The following KHDRBS2 variants were observed in gnomAD, a reference collection of about 807,000 sequenced individuals.
KHDRBS2 encodes the protein KH domain-containing, RNA-binding, signal transduction-associated protein 2.
Under a neutral mutation model 44.3 loss-of-function variants are expected in KHDRBS2, and 26 were observed. That is an observed-to-expected ratio of 0.59 (90% confidence interval 0.43 to 0.81). The LOEUF is 0.81. Ranked by LOEUF, KHDRBS2 falls within the 40% of genes least tolerant of loss-of-function variation. The pLI, the probability that KHDRBS2 is intolerant of heterozygous loss-of-function variation, is 0.00. For missense variants in KHDRBS2, 476 were observed against 433.1 expected (o/e 1.10, Z -0.88); for synonymous variants, 194 against 151.1 (o/e 1.28, Z -2.08).
chr6:61,656,657 A>G, the KHDRBS2 span, among the ~76,000 whole-genome samples: 5 of 151,972 alleles, frequency 3.3e-5, no homozygotes, highest in Non-Finnish European at 7.4e-5. Context: ...TAGACACACC[A>G]GGGTCTACTT....
At chr6:61,916,965 A>ATTTTTTTT (rs10700035) in intron 4 of KHDRBS2, among the ~76,000 whole-genome samples, 52 of 90,624 alleles carry the variant, frequency 5.7e-4, no homozygotes, top group East Asian at 7.2e-4. Context: ...GGAACTCTGT[A>ATTTTTTTT]TTTTTTTTTT....
chr6:61,974,330 G>A (rs891599094), intron 4 of KHDRBS2, among the ~76,000 whole-genome samples: 1 of 152,088 alleles, frequency 6.6e-6, no homozygotes, highest in South Asian at 2.1e-4. Context: ...CAATCCTGGT[G>A]TCTGAACTAT....
chr6:61,705,687 T>C (rs1769403618), intron 7 of KHDRBS2, among the ~76,000 whole-genome samples: 1 of 151,790 alleles, frequency 6.6e-6, no homozygotes, highest in Non-Finnish European at 1.5e-5. Context: ...AGATGAGCTG[T>C]GAGCTCCTCT....
At chr6:61,814,684 G>C (rs1347508916) in intron 6 of KHDRBS2, among the ~76,000 whole-genome samples, 6 of 152,102 alleles carry the variant, frequency 3.9e-5, no homozygotes, top group Admixed American at 1.3e-4. Context: ...GAATTGTATG[G>C]GTTTGTTTGG....
intron 7 of KHDRBS2, among the ~76,000 whole-genome samples, 185 bp from the exon 8 acceptor site, chr6:61,697,438 T>C (rs1165905074): frequency 2.0e-5 from 3 of 151,974 alleles, no homozygotes; most frequent in Non-Finnish European, 4.4e-5. Context: ...GTGCTATGAT[T>C]TTTTTTAATG....
intron 6 of KHDRBS2, among the ~76,000 whole-genome samples, chr6:61,809,985 G>A (rs1787846289): frequency 6.6e-6 from 1 of 152,036 alleles, no homozygotes; most frequent in African/African-American, 2.4e-5. Flanking sequence ...AATACTACAG[G>A]AGCAAGGATT....
intron 5 of KHDRBS2, 91 bp downstream of exon 5, chr6:61,901,153 G>A (rs539578190): frequency 1.7e-4 from 204 of 1,224,508 alleles, no homozygotes; most frequent in Admixed American, 4.8e-4. Flanking sequence ...GGCTGATGTT[G>A]TTGTTTACTG....
chr6:61,927,125 T>C (rs1048831972), intron 4 of KHDRBS2, among the ~76,000 whole-genome samples: 1 of 151,946 alleles, frequency 6.6e-6, no homozygotes, highest in African/African-American at 2.4e-5. Context: ...GCTGGGTAAA[T>C]AGGAAAATTT....
At chr6:62,132,660 A>G (rs1267506975) in intron 2 of KHDRBS2, among the ~76,000 whole-genome samples, 2 of 152,200 alleles carry the variant, frequency 1.3e-5, no homozygotes, top group Non-Finnish European at 2.9e-5. Flanking sequence ...TGCCCCATAA[A>G]AACCTATCAA....
intron 6 of KHDRBS2, among the ~76,000 whole-genome samples, chr6:61,773,668 T>A (rs1158558034): frequency 6.6e-6 from 1 of 151,286 alleles, no homozygotes; most frequent in Non-Finnish European, 1.5e-5. Flanking sequence ...TTTGTCAATT[T>A]TGGCTTTTGT....
intron 4 of KHDRBS2, among the ~76,000 whole-genome samples, chr6:61,973,986 C>T (rs184463664): frequency 6.6e-6 from 1 of 152,224 alleles, no homozygotes; most frequent in Non-Finnish European, 1.5e-5. Flanking sequence ...GCAAAAACTC[C>T]TCCTTTCATC....
intron 4 of KHDRBS2, among the ~76,000 whole-genome samples, chr6:61,977,400 T>G (rs1455735340): frequency 6.6e-6 from 1 of 152,154 alleles, no homozygotes; most frequent in Non-Finnish European, 1.5e-5. Flanking sequence ...CTTCCTCTAT[T>G]TCTTAGAAAA....
rs375025646 is a variant in KHDRBS2, at chr6:61,740,504, AT to A, written c.811-7741del. On this transcript the variant is annotated intron_variant, in intron 6 of 8. Coordinates refer to ENST00000281156, the MANE Select transcript of KHDRBS2 (RefSeq NM_152688.4). ...ACAAATTTAGATCAACATTTTATAT[AT>A]TTTGACTCAAAAATAAAAATTACCA... is the stretch of plus-strand genomic sequence containing the variant. Among the ~76,000 whole-genome samples the A allele has an allele frequency of 3.7e-4, 57 of 152,030 alleles. 1 individual carries two copies. The East Asian group carries it at 8.1e-3, about 22-fold the overall frequency.
intron 4 of KHDRBS2, among the ~76,000 whole-genome samples, chr6:61,951,324 G>T (rs1165764447): frequency 6.6e-6 from 1 of 152,002 alleles, no homozygotes; most frequent in African/African-American, 2.4e-5. Context: ...TCATGTGACT[G>T]TAAAGTGGTG....
chr6:61,828,292 GT>G, intron 6 of KHDRBS2, among the ~76,000 whole-genome samples: 1 of 152,272 alleles, frequency 6.6e-6, no homozygotes, highest in African/African-American at 2.4e-5. Context: ...GATCACATCT[GT>G]TTCCCAATTT....
chr6:61,938,420 C>T (rs981664881), intron 4 of KHDRBS2, among the ~76,000 whole-genome samples: 7 of 152,114 alleles, frequency 4.6e-5, no homozygotes, highest in Admixed American at 3.3e-4. Context: ...TATTTTGAGA[C>T]AATCATGATT....
intron 6 of KHDRBS2, among the ~76,000 whole-genome samples, chr6:61,837,154 G>T (rs1369023015): frequency 1.3e-5 from 2 of 151,996 alleles, no homozygotes; most frequent in South Asian, 2.1e-4. Flanking sequence ...CTTCTAAAAA[G>T]CAGGAAGAAA....
chr6:62,145,672 G>A (rs1292176243), intron 2 of KHDRBS2, among the ~76,000 whole-genome samples: 1 of 151,770 alleles, frequency 6.6e-6, no homozygotes, highest in Admixed American at 6.6e-5. Context: ...ACTGTATCAT[G>A]TCTACTGTAG....
At chr6:61,892,955 G>A (rs1028682541) in intron 6 of KHDRBS2, among the ~76,000 whole-genome samples, 1 of 151,976 alleles carries the variant, frequency 6.6e-6, no homozygotes, top group Admixed American at 6.6e-5. Context: ...TACCATCAGA[G>A]TGAACAGGCA....
Sources: allele counts gnomAD v4.1 joint callset (sites outside exome capture counted in the v4.1 genomes callset), GRCh38; gene constraint gnomAD v4.1.1; transcripts MANE v1.5; gene names NCBI Gene and HGNC (gene_info 2026-07-23, HGNC 2026-07-21).